Variants in TTC28 observed in about 807,000 individuals in gnomAD.
TTC28 encodes the protein tetratricopeptide repeat protein 28.
TTC28 carries 61 observed loss-of-function variants against 198.0 expected under a neutral mutation model. That is an observed-to-expected ratio of 0.31 (90% CI 0.25 to 0.38). The LOEUF (loss-of-function observed/expected upper bound fraction) is 0.38. Among genes scored for constraint, TTC28 ranks in the 10% least tolerant of loss-of-function variants. TTC28 has a pLI of 1.00. For missense variants in TTC28, 2,678 were observed against 3,164.0 expected (o/e 0.85, Z 3.69); for synonymous variants, 1,171 against 1,297.8 (o/e 0.90, Z 2.10).
At chr22:28,415,769 C>T (rs1010046705) in intron 2 of TTC28, among the ~76,000 whole-genome samples, 1 of 152,202 alleles carries the variant, frequency 6.6e-6, no homozygotes, top group Non-Finnish European at 1.5e-5. Context: ...AGGGATCACA[C>T]CACTGTATAA....
chr22:28,650,243 A>G (rs1255889796), intron 1 of TTC28, among the ~76,000 whole-genome samples: 2 of 152,148 alleles, frequency 1.3e-5, no homozygotes, highest in African/African-American at 4.8e-5. Flanking sequence ...TGCAGGGGAG[A>G]AGAAAAGGAA....
intron 2 of TTC28, among the ~76,000 whole-genome samples, chr22:28,369,323 T>A (rs116830674): frequency 8.6e-4 from 131 of 152,134 alleles, no homozygotes; most frequent in African/African-American, 3.0e-3. Flanking sequence ...AGAACATACA[T>A]TGGGGGAAAG....
intron 5 of TTC28, among the ~76,000 whole-genome samples, chr22:28,238,374 C>G (rs1929406827): frequency 2.0e-5 from 3 of 152,110 alleles, no homozygotes; most frequent in Admixed American, 6.5e-5. Context: ...CCCATCCAGT[C>G]ATTTTTCATT....
chr22:28,403,465 T>C (rs928051536), intron 2 of TTC28, among the ~76,000 whole-genome samples: 1 of 152,204 alleles, frequency 6.6e-6, no homozygotes, highest in Non-Finnish European at 1.5e-5. Flanking sequence ...TGTTTAAATA[T>C]GACGCCAGGA....
chr22:28,652,964 T>C lies in TTC28; in HGVS notation c.103-23134A>G, dbSNP rs1230556870. Among the ~76,000 whole-genome samples, 3 of 152,194 alleles carry C rather than the reference T, an allele frequency of 2.0e-5. No homozygotes were observed. The East Asian group carries it at 5.8e-4, about 29-fold the overall frequency. On this transcript the variant is annotated intron_variant, in intron 1 of 22. Transcript: ENST00000397906. ...ATATCATTTCCTGTTCTGAAAGGTT[T>C]TCCTTTCATTTACCTAAATCTGCCT...
In TTC28 at chr22:28,163,402, A is replaced by G; in HGVS notation, c.1131T>C (p.His377=). Residue 377 remains histidine (H), a synonymous_variant, in exon 6 of 23, where the codon CAT becomes CAC. Transcript: ENST00000397906. ...CCTTGGCTATCTTCAGATGCTGCTC[A>G]TGGCACTGCACAGCATTCTCAAAGT... ...MGDFENAVQC[H]EQHLKIAKDL... is the part of the protein sequence containing the mutation. 6.4e-7 allele frequency: 1 copy of G among 1,551,936 alleles called. No individual in the cohort carries two copies. The highest frequency in any genetic ancestry group is 8.7e-7 in the Non-Finnish European group (1 of 1,147,048).
At chr22:28,515,087 T>C (rs2048758686) in intron 2 of TTC28, among the ~76,000 whole-genome samples, 1 of 152,182 alleles carries the variant, frequency 6.6e-6, no homozygotes, top group Non-Finnish European at 1.5e-5. Flanking sequence ...GAATTTTTAT[T>C]ATGGAGATGT....
intron 5 of TTC28, among the ~76,000 whole-genome samples, chr22:28,235,563 A>G (rs1929178961): frequency 6.6e-6 from 1 of 152,248 alleles, no homozygotes; most frequent in South Asian, 2.1e-4. Context: ...TTTCTAGAAT[A>G]GAACAACATG....
intron 2 of TTC28, among the ~76,000 whole-genome samples, chr22:28,386,274 C>CAAAAAAAAAAAAAAAAAAAAAAAA (rs71194764): frequency 9.6e-5 from 5 of 52,236 alleles, no homozygotes; most frequent in Non-Finnish European, 1.7e-4. Flanking sequence ...GACTCCGTCT[C>CAAAAAAAAAAAAAAAAAAAAAAAA]AAAAAAAAAA....
At chr22:28,589,763 G>A (rs993191672) in intron 2 of TTC28, among the ~76,000 whole-genome samples, 1 of 152,002 alleles carries the variant, frequency 6.6e-6, no homozygotes, top group Non-Finnish European at 1.5e-5. Flanking sequence ...AAAACGGTCG[G>A]GCATGGTGGC....
At chr22:28,186,277 A>G (rs933429152) in intron 5 of TTC28, among the ~76,000 whole-genome samples, 1 of 152,192 alleles carries the variant, frequency 6.6e-6, no homozygotes, top group East Asian at 1.9e-4. Context: ...ATAAGTGTAG[A>G]AAGAGATGCA....
chr22:28,046,448 G>C (rs1939864067), intron 12 of TTC28, among the ~76,000 whole-genome samples: 1 of 152,184 alleles, frequency 6.6e-6, no homozygotes, highest in Non-Finnish European at 1.5e-5. Flanking sequence ...TTAAGTATTT[G>C]TGTATCTAAA....
intron 10 of TTC28, among the ~76,000 whole-genome samples, chr22:28,096,953 G>C: frequency 6.6e-6 from 1 of 151,862 alleles, no homozygotes; most frequent in East Asian, 1.9e-4. Context: ...TACAGGCACG[G>C]GCCACCATTC....
intron 2 of TTC28, among the ~76,000 whole-genome samples, chr22:28,470,171 T>C (rs549463145): frequency 6.6e-6 from 1 of 152,324 alleles, no homozygotes; most frequent in South Asian, 2.1e-4. Context: ...TAAATCTAAA[T>C]TGTTTAAGCC....
chr22:28,187,324 G>A (rs1037799841), intron 5 of TTC28, among the ~76,000 whole-genome samples: 16 of 152,170 alleles, frequency 1.1e-4, no homozygotes, highest in Admixed American at 7.2e-4. Flanking sequence ...AAATGTTAAA[G>A]TATGATAATT....
rs191655553 is a variant in TTC28 at position 28,535,724 on chromosome 22, G to A, written c.381+93828C>T. Among the ~76,000 whole-genome samples the A allele has an allele frequency of 9.2e-5, 14 of 152,092 alleles. No individual in the cohort carries two copies. In the East Asian group the frequency reaches 2.5e-3, roughly 27 times the overall value. On this transcript the variant is annotated intron_variant, in intron 2 of 22. Transcript: ENST00000397906. ...CAATCTTGTGATGGACTTCTCACAA[G>A]ATCTGGTTGTTTGAAAGTGTGTAGC... is the stretch of plus-strand genomic sequence containing the variant.
intron 14 of TTC28, among the ~76,000 whole-genome samples, chr22:28,003,612 C>T (rs1421335477): frequency 6.6e-6 from 1 of 152,214 alleles, no homozygotes; most frequent in Non-Finnish European, 1.5e-5. Flanking sequence ...CACTCATAGA[C>T]AAGTCCCTGG....
At chr22:28,463,418 TACCCAA>T (rs2047976499) in intron 2 of TTC28, among the ~76,000 whole-genome samples, 1 of 152,056 alleles carries the variant, frequency 6.6e-6, no homozygotes, top group South Asian at 2.1e-4. Flanking sequence ...ACTGGGTATA[TACCCAA>T]AGGATTATAA....
chr22:28,554,953 T>C (rs1203854040), intron 2 of TTC28, among the ~76,000 whole-genome samples: 2 of 152,098 alleles, frequency 1.3e-5, no homozygotes, highest in Non-Finnish European at 2.9e-5. Context: ...GCAATCTATA[T>C]ATCCAACAAA....
Sources: gnomAD v4.1 joint callset for allele counts (sites outside exome capture counted in the v4.1 genomes callset) on GRCh38, gnomAD v4.1.1 for gene constraint, MANE v1.5 for transcripts, NCBI Gene and HGNC (gene_info 2026-07-23, HGNC 2026-07-21) for gene names.